Variants in ACAD9 observed in about 807,000 individuals in gnomAD.
The protein encoded by ACAD9 is acyl-CoA dehydrogenase family member 9.
Under a neutral mutation model 70.2 loss-of-function variants are expected in ACAD9, and 53 were observed. The ratio of observed to expected loss-of-function variants is 0.75; its 90% CI spans 0.61 to 0.95. The LOEUF (loss-of-function observed/expected upper bound fraction) is 0.95, where lower values mean the gene tolerates loss of function less well. ACAD9 is among the 40% of genes least tolerant of loss of function. The pLI is 0.00. For missense variants in ACAD9, 777 were observed against 802.8 expected, an observed-to-expected ratio of 0.97 and a Z score of 0.39; for synonymous variants, 313 against 312.1, an observed-to-expected ratio of 1.00 and a Z score of -0.03.
At position 128,906,198 on chromosome 3, in the gene ACAD9, C is replaced by T. The variant is rs1203321623; in HGVS notation, c.1227C>T (p.Asp409=). ...TCGGGGGCTTGGGCTACACAAGGGA[C>T]TATCCGTACGAGCGCATACTGCGTG... ...QILGGLGYTR[D]YPYERILRDT... Residue 409 remains aspartate, a synonymous_variant, in exon 12 of 18, where the codon GAC becomes GAT. Transcript: ENST00000308982. 21 of 1,614,116 alleles carry T rather than the reference C, an allele frequency of 1.3e-5. No homozygotes were observed. Among genetic ancestry groups the T allele is most frequent in the Non-Finnish European group, 1.8e-5 (21 of 1,180,056 alleles).
At chr3:128,893,436 G>T in intron 2 of ACAD9, 119 bp from the exon 3 acceptor site, 1 of 827,866 alleles carries the variant, frequency 1.2e-6, no homozygotes. Context: ...AGAATTTCTA[G>T]TTTTGAAAAA....
intron 14 of ACAD9, 94 bp from the exon 15 acceptor site, chr3:128,909,250 C>G (rs1936026601): frequency 8.8e-6 from 14 of 1,597,560 alleles, no homozygotes; most frequent in Non-Finnish European, 8.6e-7. Flanking sequence ...TTGCTTCCCC[C>G]AGATGGGGCA....
chr3:128,886,782 G>C (rs1451220742), intron 2 of ACAD9, among the ~76,000 whole-genome samples: 1 of 150,812 alleles, frequency 6.6e-6, no homozygotes, highest in African/African-American at 2.4e-5. Context: ...GACATTGGTT[G>C]AAAGTTATGC....
chr3:128,907,811 G>A (rs1935937369), intron 12 of ACAD9, among the ~76,000 whole-genome samples: 1 of 152,214 alleles, frequency 6.6e-6, no homozygotes, highest in Non-Finnish European at 1.5e-5. Context: ...GAGGAATCTG[G>A]CCTCCACCTG....
At chr3:128,880,035 C>T in intron 1 of ACAD9, 194 bp downstream of exon 1, 1 of 1,536,868 alleles carries the variant, frequency 6.5e-7, no homozygotes. Flanking sequence ...ATTTCCAAGA[C>T]GGGGGACCCT....
chr3:128,908,425 T>C (rs1935973374), intron 13 of ACAD9, 161 bp downstream of exon 13: 5 of 843,946 alleles, frequency 5.9e-6, no homozygotes, highest in East Asian at 2.6e-5. Context: ...GTGGGGGGCT[T>C]GCTGCCCAGG....
chr3:128,880,174 C>G (rs537626038), intron 1 of ACAD9: 1 of 565,894 alleles, frequency 1.8e-6, no homozygotes, highest in Non-Finnish European at 2.8e-6. Context: ...GGCTTCCTCT[C>G]TGATTCCTAA....
At chr3:128,909,180 G>T in intron 14 of ACAD9, 81 bp downstream of exon 14, 2 of 1,603,120 alleles carry the variant, frequency 1.2e-6, no homozygotes, top group East Asian at 2.3e-5. Context: ...TCTCACTGTG[G>T]GGGGTCTGGG....
chr3:128,887,252 TC>T (rs1406888543), intron 2 of ACAD9, among the ~76,000 whole-genome samples: 1 of 152,044 alleles, frequency 6.6e-6, no homozygotes, highest in Non-Finnish European at 1.5e-5. Flanking sequence ...AACACACACT[TC>T]CAGGACATAG....
chr3:128,904,685 G>A (rs1007381928), intron 11 of ACAD9, among the ~76,000 whole-genome samples, 180 bp downstream of exon 11: 9 of 152,250 alleles, frequency 5.9e-5, no homozygotes, highest in Non-Finnish European at 1.0e-4. Flanking sequence ...AGCAGCAGTA[G>A]GGAAGTGTCC....
chr3:128,881,845 C>T (rs1935105185), intron 1 of ACAD9, among the ~76,000 whole-genome samples: 1 of 152,216 alleles, frequency 6.6e-6, no homozygotes, highest in South Asian at 2.1e-4. Flanking sequence ...GACCGCTAAA[C>T]AGTGACCAGT....
At chr3:128,907,104 G>GGT (rs1467824003) in intron 12 of ACAD9, among the ~76,000 whole-genome samples, 1 of 152,100 alleles carries the variant, frequency 6.6e-6, no homozygotes, top group East Asian at 1.9e-4. Context: ...GGTGGGCATG[G>GGT]GTATACAGGA....
At chr3:128,889,722 A>G (rs1935362210) in intron 2 of ACAD9, among the ~76,000 whole-genome samples, 1 of 152,252 alleles carries the variant, frequency 6.6e-6, no homozygotes, top group African/African-American at 2.4e-5. Context: ...TTCTATGGAT[A>G]TACCAAGATT....
In ACAD9 at chr3:128,912,829, G is replaced by A. The variant is rs113551006; in HGVS notation, c.*222G>A. 30 of 695,098 alleles carry A rather than the reference G, an allele frequency of 4.3e-5. No individual in the cohort carries two copies. In the Middle Eastern group the frequency reaches 7.5e-4, roughly 17 times the overall value. The allele number at this position is 695,098 out of a possible 1,614,324, so 43.1% of individuals were successfully genotyped here. A position where few individuals can be genotyped will look rare whatever the true frequency, so the allele number is the denominator to read the frequency against. On this transcript the variant is annotated 3_prime_UTR_variant, in exon 18 of 18. Transcript: ENST00000308982. ...ACCATCACAGCTTCTGAACTGAGCCGGAGAGAGAGAATGGAATTGCTGACC... is the reference window on the plus strand; with the variant it reads ...ACCATCACAGCTTCTGAACTGAGCCAGAGAGAGAGAATGGAATTGCTGACC...
At chr3:128,899,054 C>T (rs890726578) in intron 6 of ACAD9, among the ~76,000 whole-genome samples, 2 of 152,162 alleles carry the variant, frequency 1.3e-5, no homozygotes, top group African/African-American at 2.4e-5. Flanking sequence ...TTCTTTCCCC[C>T]GCCCCCGCCT....
intron 2 of ACAD9, among the ~76,000 whole-genome samples, chr3:128,888,635 C>A (rs190752898): frequency 6.6e-6 from 1 of 152,026 alleles, no homozygotes; most frequent in East Asian, 1.9e-4. Context: ...CAGCTCAGGT[C>A]CCCCAGAACC....
intron 1 of ACAD9, among the ~76,000 whole-genome samples, chr3:128,882,428 T>G (rs1198464204): frequency 6.6e-6 from 1 of 152,204 alleles, no homozygotes; most frequent in Non-Finnish European, 1.5e-5. Context: ...TTTTCTCTAC[T>G]TTTAGGTTCT....
At chr3:128,899,530 G>T in intron 7 of ACAD9, 69 bp downstream of exon 7, 1 of 1,162,820 alleles carries the variant, frequency 8.6e-7, no homozygotes, top group Non-Finnish European at 1.2e-6. Context: ...GACGGTGTGT[G>T]TGTGTGTGTG....
rs756122942 is a variant in ACAD9 at position 128,908,975 on chromosome 3, A to G, written c.1361A>G (p.Glu454Gly). ...ACAGGACCATGGACTTTCTGCAGTG[A>G]GCTTAAACAGGCCAAAGTGAGCACA... The part of the protein sequence containing the change: ...AGRILTTRIH[E>G]LKQAKVSTVM... Residue 454 changes from glutamate to glycine, a missense_variant and splice_region_variant, in exon 14 of 18, where the codon GAG (glutamate) becomes GGG (glycine). Physicochemically the swap from Glu to Gly is moderately conservative, Grantham distance 98. Coordinates refer to ENST00000308982, the MANE Select transcript of ACAD9 (RefSeq NM_014049.5). The G allele has an allele frequency of 6.2e-7, 1 of 1,614,056 alleles. No individual in the cohort carries two copies. The highest frequency in any genetic ancestry group is 8.5e-7 in the Non-Finnish European group (1 of 1,180,010).
Sources: gnomAD v4.1 joint callset for allele counts (sites outside exome capture counted in the v4.1 genomes callset) on GRCh38, gnomAD v4.1.1 for gene constraint, MANE v1.5 for transcripts, NCBI Gene and HGNC (gene_info 2026-07-23, HGNC 2026-07-21) for gene names.